Variants in IRF4 observed in about 807,000 individuals in gnomAD.
The protein encoded by IRF4 is lymphocyte-specific interferon regulatory factor.
In IRF4, 13 loss-of-function variants were observed where a neutral mutation model predicts 55.5. That is an observed-to-expected ratio of 0.23 (90% CI 0.15 to 0.37). The LOEUF is 0.37. IRF4 is among the 10% of genes least tolerant of loss of function. The probability of loss-of-function intolerance (pLI) is 1.00; values close to 1 mark genes in which losing one functional copy is unlikely to be tolerated. For missense variants in IRF4, 397 were observed against 593.8 expected (o/e 0.67, Z 3.44); for synonymous variants, 249 against 240.7 (o/e 1.03, Z -0.32).
chr6:406,097 T>A (rs1761536273), intron 8 of IRF4, among the ~76,000 whole-genome samples: 1 of 152,240 alleles, frequency 6.6e-6, no homozygotes, highest in Non-Finnish European at 1.5e-5. Context: ...CCAACCAGTA[T>A]ATAATCCCAT....
At chr6:405,611 AT>A (rs2127442130) in intron 8 of IRF4, among the ~76,000 whole-genome samples, 1 of 152,256 alleles carries the variant, frequency 6.6e-6, no homozygotes, top group South Asian at 2.1e-4. Context: ...CACCTCTTTT[AT>A]TTCTGGAATT....
At position 398,052 on chromosome 6, in the gene IRF4, T is replaced by C. The variant is rs151336152; in HGVS notation, c.638-776T>C. On this transcript the variant is annotated intron_variant, in intron 5 of 8. Coordinates refer to ENST00000380956, the MANE Select transcript of IRF4 (RefSeq NM_002460.4). The stretch of plus-strand genomic sequence containing the variant: ...ACCACTCTTTAATGTTTGTACTGAG[T>C]GGCATGTTCACAAAAAAGCTCAGAA... Among the ~76,000 whole-genome samples the C allele has an allele frequency of 2.3e-3, 353 of 152,332 alleles. 3 individuals are homozygous for C. Among genetic ancestry groups the C allele is most frequent in the African/African-American group, 8.0e-3 (334 of 41,576 alleles).
rs148645823 is a variant in IRF4 at position 407,835 on chromosome 6, C to G, written c.*237C>G. The G allele has an allele frequency of 8.8e-4, 416 of 474,658 alleles. 3 individuals are homozygous for G. Among genetic ancestry groups the G allele is most frequent in the African/African-American group, 7.9e-3 (390 of 49,638 alleles). The allele number at this position is 474,658 out of a possible 1,614,324, so 29.4% of individuals were successfully genotyped here. On this transcript the variant is annotated 3_prime_UTR_variant, in exon 9 of 9. Transcript: ENST00000380956. The stretch of plus-strand genomic sequence containing the variant: ...AGTGATTTTCATTGTAAATATTTGA[C>G]TTTAGTGAAAGCGTCCAATTGACTG...
At chr6:392,025 C>T in intron 1 of IRF4, 1 of 352,502 alleles carries the variant, frequency 2.8e-6, no homozygotes, top group Non-Finnish European at 5.7e-6. Context: ...TTGGCTCTGC[C>T]CGAGCCTCCC....
At chr6:404,159 A>T (rs1391272092) in intron 7 of IRF4, among the ~76,000 whole-genome samples, 1 of 151,832 alleles carries the variant, frequency 6.6e-6, no homozygotes, top group Non-Finnish European at 1.5e-5. Context: ...TCCTGTGTCA[A>T]CTCGTTTCTT....
At position 409,614 on chromosome 6, in the gene IRF4, G is replaced by A. The variant is rs1761640409; in HGVS notation, c.*2016G>A. 1 of 221,156 alleles carries A rather than the reference G, an allele frequency of 4.5e-6. No individual in the cohort carries two copies. The highest frequency in any genetic ancestry group is 9.1e-6 in the Non-Finnish European group (1 of 110,182). 13.7% of individuals were successfully genotyped at this position (221,156 alleles called of 1,614,324 possible). On this transcript the variant is annotated 3_prime_UTR_variant, in exon 9 of 9. Coordinates refer to ENST00000380956, the MANE Select transcript of IRF4 (RefSeq NM_002460.4). The stretch of plus-strand genomic sequence containing the variant: ...TAGCCATGCAACATGGATATGTATT[G>A]GGCAGCAGACTGTGTTTCGTGAACT...
chr6:396,096 T>C, intron 4 of IRF4, 161 bp downstream of exon 4: 6 of 609,606 alleles, frequency 9.8e-6, no homozygotes, highest in Non-Finnish European at 1.7e-5. Flanking sequence ...TGTCTCACTT[T>C]CCACACGGTG....
At chr6:396,462 T>C (rs1341066168) in intron 4 of IRF4, among the ~76,000 whole-genome samples, 1 of 152,244 alleles carries the variant, frequency 6.6e-6, no homozygotes, top group Non-Finnish European at 1.5e-5. Context: ...CTCCAGTCTT[T>C]TCGGATGATA....
At chr6:392,662 G>T (rs1484010799) in intron 1 of IRF4, among the ~76,000 whole-genome samples, 1 of 151,112 alleles carries the variant, frequency 6.6e-6, no homozygotes, top group Non-Finnish European at 1.5e-5. Flanking sequence ...CGTGGAGGCC[G>T]CCAGGGGAGT....
Position 393,248 on chromosome 6 carries a change from C to G in IRF4, c.96C>G (p.Ile32Met). The G allele has an allele frequency of 6.3e-7, 1 of 1,586,378 alleles. No individual in the cohort carries two copies. Among genetic ancestry groups the G allele is most frequent in the Non-Finnish European group, 8.6e-7 (1 of 1,166,320 alleles). Residue 32 changes from isoleucine to methionine, a missense_variant, in exon 2 of 9, where the codon ATC becomes ATG. Around this residue, in one of 3 missense-constraint regions of IRF4, gnomAD observed 341 missense variants for 548.1 expected, o/e 0.62. Coordinates refer to ENST00000380956, the MANE Select transcript of IRF4 (RefSeq NM_002460.4). This position sits in a 1 kb window ranked among gnomAD's most constrained non-coding sequence, Gnocchi z 5.4. The stretch of plus-strand genomic sequence containing the variant: ...TCCGCCAGTGGCTGATCGACCAGAT[C>G]GACAGCGGCAAGTACCCCGGGCTGG... Reference protein sequence around the residue: ...GKLRQWLIDQIDSGKYPGLVW... With the variant: ...GKLRQWLIDQMDSGKYPGLVW...
intron 6 of IRF4, among the ~76,000 whole-genome samples, chr6:400,847 T>C (rs991696689): frequency 2.6e-5 from 4 of 152,146 alleles, no homozygotes; most frequent in African/African-American, 7.2e-5. Flanking sequence ...TGTCATGTTA[T>C]TATTTTGGGG....
At chr6:406,930 G>C (rs747236645) in intron 8 of IRF4, 50 of 1,023,442 alleles carry the variant, frequency 4.9e-5, no homozygotes, top group Admixed American at 1.8e-4. Flanking sequence ...TAACCAGACA[G>C]TATAAATTTG....
intron 8 of IRF4, chr6:406,720 A>G: frequency 9.5e-7 from 1 of 1,054,174 alleles, no homozygotes; most frequent in Non-Finnish European, 1.2e-6. Flanking sequence ...ACACGTGTAC[A>G]CCTATGAGTT....
intron 7 of IRF4, among the ~76,000 whole-genome samples, chr6:404,623 T>C (rs1176454014): frequency 6.6e-6 from 1 of 152,270 alleles, no homozygotes; most frequent in Non-Finnish European, 1.5e-5. Flanking sequence ...CGAAACATTC[T>C]GATTTTTTAA....
chr6:402,009 A>G (rs1358879245), intron 7 of IRF4, among the ~76,000 whole-genome samples: 1 of 152,170 alleles, frequency 6.6e-6, no homozygotes, highest in Non-Finnish European at 1.5e-5. Context: ...TTCTCTTGCA[A>G]TTCTGGTTTT....
intron 7 of IRF4, among the ~76,000 whole-genome samples, chr6:403,592 C>T (rs1761464543): frequency 6.6e-6 from 1 of 152,228 alleles, no homozygotes; most frequent in African/African-American, 2.4e-5. Context: ...TGTCCTGGGG[C>T]TGTAGACTTG....
In IRF4 at chr6:393,706, C is replaced by T. The variant is rs936743998; in HGVS notation, c.216+338C>T. Among the ~76,000 whole-genome samples, 1 of 152,178 alleles carries T rather than the reference C, an allele frequency of 6.6e-6. No homozygotes were observed. The highest frequency in any genetic ancestry group is 1.5e-5 in the Non-Finnish European group (1 of 68,014). On this transcript the variant is annotated intron_variant, in intron 2 of 8. Transcript: ENST00000380956. The surrounding 1 kb of genome is among the most constrained non-coding windows in gnomAD (Gnocchi z 5.4). ...GTTTCCACGCAAGCCTCCCGCCCTTCCTCCGGGCTCCCGTCTGCCGCCTCC... is the reference window on the plus strand; with the variant it reads ...GTTTCCACGCAAGCCTCCCGCCCTTTCTCCGGGCTCCCGTCTGCCGCCTCC...
intron 1 of IRF4, among the ~76,000 whole-genome samples, chr6:392,217 G>C (rs1196310633): frequency 6.6e-6 from 1 of 152,242 alleles, no homozygotes; most frequent in East Asian, 1.9e-4. Context: ...TCCTTCCCCT[G>C]CTCTTCGTTC....
intron 2 of IRF4, among the ~76,000 whole-genome samples, chr6:394,033 T>TA (rs1761193414): frequency 6.6e-6 from 1 of 152,196 alleles, no homozygotes; most frequent in African/African-American, 2.4e-5. Flanking sequence ...GTGTCGTTGT[T>TA]ACGATTGTTC....
Sources: allele counts gnomAD v4.1 joint callset (sites outside exome capture counted in the v4.1 genomes callset), GRCh38; gene constraint gnomAD v4.1.1; regional missense constraint gnomAD v4.1.1; non-coding constraint Gnocchi (gnomAD v3.1); transcripts MANE v1.5; gene names NCBI Gene and HGNC (gene_info 2026-07-23, HGNC 2026-07-21).